NAV3: variants seen among roughly 807,000 people sequenced by gnomAD.
The protein encoded by NAV3 is neuron navigator 3, also known as pore membrane and/or filament interacting like protein 1.
A neutral mutation model predicts 244.7 loss-of-function variants in NAV3; 87 were observed. The ratio of observed to expected loss-of-function variants is 0.36; its 90% confidence interval spans 0.30 to 0.42. The LOEUF is 0.42. Ranked by LOEUF, NAV3 falls within the 20% of genes least tolerant of loss-of-function variation. The probability of loss-of-function intolerance (pLI) is 1.00; values close to 1 mark genes in which losing one functional copy is unlikely to be tolerated. For missense variants in NAV3, 2,663 were observed against 2,893.3 expected (o/e 0.92, Z 1.83); for synonymous variants, 1,126 against 1,042.2 (o/e 1.08, Z -1.55).
intron 2 of NAV3, among the ~76,000 whole-genome samples, chr12:77,746,118 C>G (rs1440947745): frequency 6.6e-6 from 1 of 151,800 alleles, no homozygotes; most frequent in Non-Finnish European, 1.5e-5. Context: ...AAAAAAATCT[C>G]TAGTATGGTT....
chr12:77,822,470 T>G (rs1207323868), intron 2 of NAV3, among the ~76,000 whole-genome samples: 1 of 152,204 alleles, frequency 6.6e-6, no homozygotes, highest in Non-Finnish European at 1.5e-5. Context: ...TACTTCTTTA[T>G]GCATCCATTT....
intron 2 of NAV3, among the ~76,000 whole-genome samples, chr12:77,804,696 T>A (rs902064125): frequency 6.6e-6 from 1 of 152,062 alleles, no homozygotes; most frequent in East Asian, 1.9e-4. Context: ...GTTTTTTTTT[T>A]AATTCTGTGA....
intron 1 of NAV3, among the ~76,000 whole-genome samples, chr12:77,903,240 A>G (rs1885530579): frequency 6.6e-6 from 1 of 152,218 alleles, no homozygotes; most frequent in African/African-American, 2.4e-5. Context: ...CTGACTACAA[A>G]CTATATTACA....
At chr12:78,089,037 CA>C (rs1185745643) in intron 12 of NAV3, among the ~76,000 whole-genome samples, 1 of 152,140 alleles carries the variant, frequency 6.6e-6, no homozygotes, top group Non-Finnish European at 1.5e-5. Flanking sequence ...TTCTATTCTC[CA>C]CATGTGAAAT....
intron 2 of NAV3, among the ~76,000 whole-genome samples, chr12:77,704,230 G>A (rs1483053296): frequency 2.0e-5 from 3 of 152,088 alleles, no homozygotes; most frequent in Non-Finnish European, 4.4e-5. Flanking sequence ...TTATTAAAAT[G>A]CCTTAGGATT....
chr12:77,818,436 A>C (rs1872604253), intron 2 of NAV3, among the ~76,000 whole-genome samples: 1 of 152,178 alleles, frequency 6.6e-6, no homozygotes, highest in South Asian at 2.1e-4. Flanking sequence ...ATGGGAGAAG[A>C]ATCCATCCCA....
At chr12:77,927,430 A>G (rs1365153293) in intron 1 of NAV3, among the ~76,000 whole-genome samples, 1 of 152,222 alleles carries the variant, frequency 6.6e-6, no homozygotes, top group Non-Finnish European at 1.5e-5. Context: ...GACAGAAAGT[A>G]TGGGTTCTAT....
intron 29 of NAV3, 83 bp downstream of exon 29, chr12:78,179,765 A>G: frequency 6.9e-7 from 1 of 1,455,392 alleles, no homozygotes; most frequent in Non-Finnish European, 9.2e-7. Context: ...AACACAGAAT[A>G]AATTCCACTT....
chr12:77,977,661 A>G (rs1450939070), intron 5 of NAV3, among the ~76,000 whole-genome samples: 1 of 151,318 alleles, frequency 6.6e-6, no homozygotes, highest in Admixed American at 6.6e-5. Context: ...GAAAATCAAT[A>G]AGAGTGTTTA....
intron 2 of NAV3, among the ~76,000 whole-genome samples, chr12:77,796,451 C>G (rs953798159): frequency 6.6e-6 from 1 of 152,160 alleles, no homozygotes; most frequent in African/African-American, 2.4e-5. Flanking sequence ...TCTTGAAACA[C>G]AGTCTATTCT....
chr12:77,594,524 C>CA (rs1870080181), intron 2 of NAV3, among the ~76,000 whole-genome samples: 1 of 152,112 alleles, frequency 6.6e-6, no homozygotes, highest in Admixed American at 6.5e-5. Flanking sequence ...GAATGTTCCC[C>CA]AACTGGACTA....
intron 2 of NAV3, among the ~76,000 whole-genome samples, chr12:77,587,000 A>C (rs1869645651): frequency 6.6e-6 from 1 of 152,196 alleles, no homozygotes. Flanking sequence ...AGTTAGACCC[A>C]TTACTAAATT....
Position 77,900,219 on chromosome 12 carries a change from G to A in NAV3, c.244-40100G>A, listed in dbSNP as rs993389337. Among the ~76,000 whole-genome samples the A allele has an allele frequency of 2.4e-4, 36 of 151,980 alleles. 1 individual carries two copies. Among genetic ancestry groups the A allele is most frequent in the Non-Finnish European group, 4.6e-4 (31 of 67,998 alleles). On this transcript the variant is annotated intron_variant, in intron 1 of 39. Transcript: ENST00000397909. ...AGCCTCCCGAGTAGCTGGGACTACA[G>A]GCGCCCGCCACCACGCCCAGCTAAT...
intron 2 of NAV3, among the ~76,000 whole-genome samples, chr12:77,636,608 A>G (rs1169445367): frequency 6.6e-6 from 1 of 152,180 alleles, no homozygotes; most frequent in Non-Finnish European, 1.5e-5. Context: ...AGGATCTAGA[A>G]CTAGAAATAC....
chr12:77,794,455 G>T (rs1387886814), intron 2 of NAV3, among the ~76,000 whole-genome samples: 1 of 152,154 alleles, frequency 6.6e-6, no homozygotes, highest in Non-Finnish European at 1.5e-5. Context: ...TCAACTGGCG[G>T]TTGATCTAGA....
At chr12:77,870,307 T>C (rs1192636582) in intron 1 of NAV3, among the ~76,000 whole-genome samples, 1 of 150,036 alleles carries the variant, frequency 6.7e-6, no homozygotes, top group African/African-American at 2.5e-5. Flanking sequence ...AGAGGTTGCA[T>C]TGAGCTGAGA....
At chr12:77,922,615 A>G (rs918474342) in intron 1 of NAV3, among the ~76,000 whole-genome samples, 5 of 152,094 alleles carry the variant, frequency 3.3e-5, no homozygotes, top group African/African-American at 9.7e-5. Context: ...TATGTCCAGC[A>G]TTGACTTTAC....
At chr12:78,181,763 A>G (rs300520) in intron 30 of NAV3, among the ~76,000 whole-genome samples, 59,213 of 151,880 alleles carry the variant, frequency 0.39, 12,459 homozygotes, top group Non-Finnish European at 0.48. Flanking sequence ...TTGGAAACCA[A>G]TAATATGTAT....
At chr12:77,834,027 G>A (rs1874192987) in intron 1 of NAV3, among the ~76,000 whole-genome samples, 1 of 152,224 alleles carries the variant, frequency 6.6e-6, no homozygotes, top group South Asian at 2.1e-4. Flanking sequence ...TTCCGCCAGT[G>A]TGTTCCTCTC....
Sources: allele counts gnomAD v4.1 joint callset (sites outside exome capture counted in the v4.1 genomes callset), GRCh38; gene constraint gnomAD v4.1.1; transcripts MANE v1.5; gene names NCBI Gene and HGNC (gene_info 2026-07-23, HGNC 2026-07-21).